The following PRAP1 variants were observed in gnomAD, a reference collection of about 807,000 sequenced individuals.
PRAP1 encodes the protein proline-rich acidic protein 1.
PRAP1 carries 12 observed loss-of-function variants against 14.6 expected under a neutral mutation model. That is an observed-to-expected ratio of 0.82 (90% CI 0.53 to 1.33). The LOEUF is 1.33. PRAP1 is among the 40% of genes most tolerant of loss of function. The probability of loss-of-function intolerance (pLI) is 0.00; values close to 1 mark genes in which losing one functional copy is unlikely to be tolerated. For missense variants in PRAP1, 160 were observed against 193.7 expected (o/e 0.83, Z 1.03); for synonymous variants, 81 against 80.3 (o/e 1.01, Z -0.04).
chr10:133,349,665 C>T (rs1021681212), intron 1 of PRAP1, among the ~76,000 whole-genome samples: 1 of 152,270 alleles, frequency 6.6e-6, no homozygotes, highest in Non-Finnish European at 1.5e-5. Context: ...CAGCGTGCAG[C>T]CTCAGGGCTC....
Position 133,352,472 on chromosome 10 carries a change from T to C in PRAP1, c.*32T>C. Reference sequence around the variant, plus strand: ...AGGGGCCATCACTGCCCCCGCCCTGTCCCAAGGCCCAGGCTGTTGGGACTG... The same window carrying C: ...AGGGGCCATCACTGCCCCCGCCCTGCCCCAAGGCCCAGGCTGTTGGGACTG... On this transcript the variant is annotated 3_prime_UTR_variant, in exon 5 of 5. Transcript: ENST00000433452. 1 of 1,591,458 alleles carries C rather than the reference T, an allele frequency of 6.3e-7. No individual in the cohort carries two copies. Among genetic ancestry groups the C allele is most frequent in the South Asian group, 1.1e-5 (1 of 89,538 alleles).
In PRAP1 at chr10:133,352,231, A is replaced by G. The variant is rs201419496; in HGVS notation, c.263-16A>G. 4 of 1,612,278 alleles carry G rather than the reference A, an allele frequency of 2.5e-6. No homozygotes were observed. In the African/African-American group the frequency reaches 5.3e-5, roughly 21 times the overall value. On this transcript the variant is annotated splice_polypyrimidine_tract_variant and intron_variant, in intron 4 of 4. Coordinates refer to ENST00000433452, the MANE Select transcript of PRAP1 (RefSeq NM_145202.5). Reference sequence around the variant, plus strand: ...GGAAAGAAACTGAGACTATACCTTCATGTGCTTGTCCCTAGGCACCAAGGC... The same window carrying G: ...GGAAAGAAACTGAGACTATACCTTCGTGTGCTTGTCCCTAGGCACCAAGGC...
intron 2 of PRAP1, 58 bp downstream of exon 2, chr10:133,350,219 C>A: frequency 6.7e-7 from 1 of 1,493,994 alleles, no homozygotes; most frequent in Non-Finnish European, 9.2e-7. Context: ...TCTGCCCCTA[C>A]AGCAGGGGAT....
rs369776303 is a variant in PRAP1 at position 133,352,184 on chromosome 10, C to T, written c.262+44C>T. The stretch of plus-strand genomic sequence containing the variant: ...CAGCAGAGTCCGCTCGTGGGGTTGA[C>T]TTGGACAGACCAAGGGTCTCGGGAA... On this transcript the variant is annotated intron_variant, in intron 4 of 4. Transcript: ENST00000433452. The T allele has an allele frequency of 6.2e-6, 10 of 1,611,874 alleles. No homozygotes were observed. In the African/African-American group the frequency reaches 9.3e-5, roughly 15 times the overall value.
chr10:133,350,761 G>A (rs895899197), intron 2 of PRAP1: 6 of 154,758 alleles, frequency 3.9e-5, no homozygotes, highest in Non-Finnish European at 8.6e-5. Context: ...GGAGGCCCAC[G>A]CCTTCCTTGA....
rs779623788 is a variant in PRAP1 at position 133,351,995 on chromosome 10, CTG to C, written c.129-9_129-8del. The C allele has an allele frequency of 2.5e-6, 4 of 1,611,528 alleles. No individual in the cohort carries two copies. Among genetic ancestry groups the C allele is most frequent in the Middle Eastern group, 1.7e-4 (1 of 6,020 alleles). On this transcript the variant is annotated splice_polypyrimidine_tract_variant and intron_variant, in intron 3 of 4. Coordinates refer to ENST00000433452, the MANE Select transcript of PRAP1 (RefSeq NM_145202.5). The surrounding 1 kb of genome is among the most constrained non-coding windows in gnomAD (Gnocchi z 4.3). The stretch of plus-strand genomic sequence containing the variant: ...CCACCTGCATGTGGACCTGACCAAA[CTG>C]TGCCAGCAGGGCCTGGGGCGCCCGT...
chr10:133,348,010 T>C (rs1848612234), intron 1 of PRAP1, among the ~76,000 whole-genome samples: 1 of 152,010 alleles, frequency 6.6e-6, no homozygotes, highest in Admixed American at 6.5e-5. Context: ...GTTTCTCCCT[T>C]GTAGAGAGGT....
rs1040745493 is a variant in PRAP1, at chr10:133,351,257, G to T, written c.76-124G>T. The T allele has an allele frequency of 4.8e-6, 3 of 629,336 alleles. No individual in the cohort carries two copies. Among genetic ancestry groups the T allele is most frequent in the South Asian group, 1.9e-5 (1 of 51,904 alleles). The allele number at this position is 629,336 out of a possible 1,614,324, so 39.0% of individuals were successfully genotyped here. A position where few individuals can be genotyped will look rare whatever the true frequency, so the allele number is the denominator to read the frequency against. On this transcript the variant is annotated intron_variant, in intron 2 of 4. Transcript: ENST00000433452. The surrounding 1 kb of genome is among the most constrained non-coding windows in gnomAD (Gnocchi z 4.3). ...GCTCGAGCTGTGCTGAGCTGGCCCT[G>T]CCCCCACCCCCTGCAGCCACCTCCA...
At chr10:133,348,680 ATTTTT>A (rs58838469) in intron 1 of PRAP1, among the ~76,000 whole-genome samples, 14 of 138,274 alleles carry the variant, frequency 1.0e-4, no homozygotes, top group Admixed American at 1.4e-4. Flanking sequence ...CGCCTGGCTA[ATTTTT>A]TTTTTTTTTT....
chr10:133,349,463 A>G (rs1848642547), intron 1 of PRAP1, among the ~76,000 whole-genome samples: 1 of 152,120 alleles, frequency 6.6e-6, no homozygotes, highest in South Asian at 2.1e-4. Context: ...CACCATGCAC[A>G]TGGTCCACAC....
chr10:133,347,512 C>G lies in PRAP1; in HGVS notation c.8+87C>G, dbSNP rs1163252582. ...AGCCAGAGGGGGCCCAGCTGTGCTG[C>G]GCTCCAGGGGGCCTGGTTCAGGGGA... On this transcript the variant is annotated intron_variant, in intron 1 of 4. Coordinates refer to ENST00000433452, the MANE Select transcript of PRAP1 (RefSeq NM_145202.5). This position sits in a 1 kb window ranked among gnomAD's most constrained non-coding sequence, Gnocchi z 5.0. 7.5e-7 allele frequency: 1 copy of G among 1,341,634 alleles called. No homozygotes were observed. The highest frequency in any genetic ancestry group is 1.0e-6 in the Non-Finnish European group (1 of 971,976). The allele number at this position is 1,341,634 out of a possible 1,614,324, so 83.1% of individuals were successfully genotyped here.
chr10:133,350,059 C>T (rs1357301301), intron 1 of PRAP1, 36 bp from the exon 2 acceptor site: 1 of 1,545,866 alleles, frequency 6.5e-7, no homozygotes, highest in Non-Finnish European at 8.8e-7. Context: ...CGTCCCCTTC[C>T]CCTACCTCAC....
Position 133,351,968 on chromosome 10 carries a change from C to T in PRAP1, c.129-39C>T, listed in dbSNP as rs1231466901. ...TCCTGCGGGGGGTTCTGTCCACCTC[C>T]CCCACCTGCATGTGGACCTGACCAA... On this transcript the variant is annotated intron_variant, in intron 3 of 4. Transcript: ENST00000433452. The surrounding 1 kb of genome is among the most constrained non-coding windows in gnomAD (Gnocchi z 4.3). 6.2e-7 allele frequency: 1 copy of T among 1,604,770 alleles called. No homozygotes were observed. The highest frequency in any genetic ancestry group is 1.3e-5 in the African/African-American group (1 of 74,770).
At position 133,347,390 on chromosome 10, in the gene PRAP1, A is replaced by C. The variant is rs910142027; in HGVS notation, c.-28A>C. The C allele has an allele frequency of 1.9e-6, 3 of 1,613,206 alleles. No individual in the cohort carries two copies. The African/African-American group carries it at 4.0e-5, about 22-fold the overall frequency. ...GATCAGCCACTGCAGCTCCCTGAGC[A>C]CTCTCTACAGAGACGCGGACCCCAG... On this transcript the variant is annotated 5_prime_UTR_variant, in exon 1 of 5. Coordinates refer to ENST00000433452, the MANE Select transcript of PRAP1 (RefSeq NM_145202.5). This position sits in a 1 kb window ranked among gnomAD's most constrained non-coding sequence, Gnocchi z 5.0.
At chr10:133,349,637 C>T (rs561647428) in intron 1 of PRAP1, among the ~76,000 whole-genome samples, 206 of 152,394 alleles carry the variant, frequency 1.4e-3, no homozygotes, top group Admixed American at 2.4e-3. Flanking sequence ...TGGGACACAG[C>T]AGGTGCCCTG....
At position 133,347,835 on chromosome 10, in the gene PRAP1, C is replaced by A. The variant is rs532525756; in HGVS notation, c.8+410C>A. 3.2e-4 allele frequency among the ~76,000 whole-genome samples: 49 copies of A among 152,248 alleles called. No individual in the cohort carries two copies. The East Asian group carries it at 8.9e-3, about 28-fold the overall frequency. On this transcript the variant is annotated intron_variant, in intron 1 of 4. Coordinates refer to ENST00000433452, the MANE Select transcript of PRAP1 (RefSeq NM_145202.5). The surrounding 1 kb of genome is among the most constrained non-coding windows in gnomAD (Gnocchi z 5.0). ...TGTGATCTGGAGCTCAGGGAAGCACCCGGGCTCCCGCTGGACCCTGGAATC... is the reference window on the plus strand; with the variant it reads ...TGTGATCTGGAGCTCAGGGAAGCACACGGGCTCCCGCTGGACCCTGGAATC...
chr10:133,350,303 A>C, intron 2 of PRAP1, 142 bp downstream of exon 2: 1 of 700,616 alleles, frequency 1.4e-6, no homozygotes, highest in Non-Finnish European at 2.4e-6. Context: ...TACGCTCATG[A>C]CTCTTGATGC....
chr10:133,352,023 G>T lies in PRAP1; in HGVS notation c.145G>T (p.Val49Leu), dbSNP rs780481989. Residue 49 changes from valine to leucine, a missense_variant, in exon 4 of 5, where the codon GTG (valine) becomes TTG (leucine). By Grantham distance (32) the Val-to-Leu change is conservative. Coordinates refer to ENST00000433452, the MANE Select transcript of PRAP1 (RefSeq NM_145202.5). ...QDPEKAWGAR[V>L]VEPPEKDDQL... Reference sequence around the variant, plus strand: ...TGCCAGCAGGGCCTGGGGCGCCCGTGTGGTGGAGCCTCCGGAGAAGGACGA... The same window carrying T: ...TGCCAGCAGGGCCTGGGGCGCCCGTTTGGTGGAGCCTCCGGAGAAGGACGA... The T allele has an allele frequency of 1.2e-6, 2 of 1,612,860 alleles. No individual in the cohort carries two copies. Among genetic ancestry groups the T allele is most frequent in the Non-Finnish European group, 1.7e-6 (2 of 1,179,968 alleles).
chr10:133,350,474 G>A (rs1048195382), intron 2 of PRAP1: 13 of 318,300 alleles, frequency 4.1e-5, no homozygotes, highest in Non-Finnish European at 7.6e-5. Context: ...GACCCCAGGT[G>A]GAGGAGGTGG....
Sources: allele counts gnomAD v4.1 joint callset (sites outside exome capture counted in the v4.1 genomes callset), GRCh38; gene constraint gnomAD v4.1.1; non-coding constraint Gnocchi (gnomAD v3.1); transcripts MANE v1.5; gene names NCBI Gene and HGNC (gene_info 2026-07-23, HGNC 2026-07-21).